LGI1: variants seen among roughly 807,000 people sequenced by gnomAD.
LGI1 encodes leucine rich glioma inactivated 1.
A neutral mutation model predicts 57.7 loss-of-function variants in LGI1; 11 were observed. That is an observed-to-expected ratio of 0.19 (90% CI 0.12 to 0.32). The LOEUF (loss-of-function observed/expected upper bound fraction) is 0.32, where lower values mean the gene tolerates loss of function less well. Ranked by LOEUF, LGI1 falls within the 10% of genes least tolerant of loss-of-function variation. The probability of loss-of-function intolerance (pLI) is 1.00; values close to 1 mark genes in which losing one functional copy is unlikely to be tolerated. For missense variants in LGI1, 422 were observed against 661.9 expected, an observed-to-expected ratio of 0.64 and a Z score of 3.98; for synonymous variants, 222 against 241.9, an observed-to-expected ratio of 0.92 and a Z score of 0.76.
intron 2 of LGI1, among the ~76,000 whole-genome samples, chr10:93,760,201 A>C (rs1025807297): frequency 6.6e-6 from 1 of 152,224 alleles, no homozygotes; most frequent in African/African-American, 2.4e-5. Flanking sequence ...GATGTCTTCA[A>C]ATGATTAGCA....
intron 4 of LGI1, among the ~76,000 whole-genome samples, chr10:93,785,178 G>A (rs187238242): frequency 1.1e-4 from 17 of 152,180 alleles, no homozygotes; most frequent in African/African-American, 3.1e-4. Flanking sequence ...ACTAAGAGAG[G>A]CAGAAAGAAT....
At chr10:93,779,973 T>C (rs939270361) in intron 4 of LGI1, among the ~76,000 whole-genome samples, 3 of 152,208 alleles carry the variant, frequency 2.0e-5, no homozygotes, top group Non-Finnish European at 4.4e-5. Context: ...TTAGGCTGTT[T>C]TTTATCTACA....
At position 93,797,931 on chromosome 10, in the gene LGI1, CA is replaced by C; in HGVS notation, c.*130del. On this transcript the variant is annotated 3_prime_UTR_variant, in exon 8 of 8. Transcript: ENST00000371418. This position sits in a 1 kb window ranked among gnomAD's most constrained non-coding sequence, Gnocchi z 6.5. ...TTTCAAACATTGAGACTGCTAGAAC[CA>C]AGCACTACCAGTATCTCCATCCTTA... The C allele has an allele frequency of 1.4e-6, 1 of 734,652 alleles. No homozygotes were observed. The highest frequency in any genetic ancestry group is 2.4e-6 in the Non-Finnish European group (1 of 410,710). The allele number at this position is 734,652 out of a possible 1,614,324, so 45.5% of individuals were successfully genotyped here. A position where few individuals can be genotyped will look rare whatever the true frequency, so the allele number is the denominator to read the frequency against.
At chr10:93,764,246 T>TA (rs567937887) in intron 2 of LGI1, 8 of 152,288 alleles carry the variant, frequency 5.3e-5, no homozygotes, top group African/African-American at 1.9e-4. Context: ...TAGTTTCATT[T>TA]AAAAAATTAT....
At chr10:93,778,066 A>G (rs1021481683) in intron 4 of LGI1, among the ~76,000 whole-genome samples, 1 of 152,138 alleles carries the variant, frequency 6.6e-6, no homozygotes, top group Non-Finnish European at 1.5e-5. Context: ...TACTCAATGG[A>G]TGATTACAGC....
At chr10:93,783,244 C>T (rs373664514) in intron 4 of LGI1, among the ~76,000 whole-genome samples, 38 of 152,164 alleles carry the variant, frequency 2.5e-4, no homozygotes, top group Middle Eastern at 3.4e-3. Context: ...GGCGTGGTGG[C>T]GGGCGCCTGT....
At chr10:93,793,511 C>T (rs1009414757) in intron 7 of LGI1, among the ~76,000 whole-genome samples, 161 bp downstream of exon 7, 2 of 152,186 alleles carry the variant, frequency 1.3e-5, no homozygotes, top group Non-Finnish European at 2.9e-5. Context: ...AATTTCCCCA[C>T]TTGTAAAACG....
chr10:93,777,678 C>G, intron 4 of LGI1, 61 bp downstream of exon 4: 1 of 1,356,592 alleles, frequency 7.4e-7, no homozygotes, highest in Non-Finnish European at 1.0e-6. Context: ...GTTTGATCAC[C>G]TGTGGTTAAT....
At chr10:93,777,189 G>A in intron 2 of LGI1, 190 bp from the exon 3 acceptor site, 1 of 644,566 alleles carries the variant, frequency 1.6e-6, no homozygotes, top group Non-Finnish European at 2.8e-6. Context: ...CCCTTGATGA[G>A]CCTTTGATGA....
intron 4 of LGI1, among the ~76,000 whole-genome samples, chr10:93,787,720 C>A (rs1190500112): frequency 6.6e-6 from 1 of 152,022 alleles, no homozygotes; most frequent in Non-Finnish European, 1.5e-5. Flanking sequence ...CCAGCCTGAG[C>A]AACATAGCAA....
At position 93,758,962 on chromosome 10, in the gene LGI1, G is replaced by T; in HGVS notation, c.287+131G>T. On this transcript the variant is annotated intron_variant, in intron 2 of 7. Coordinates refer to ENST00000371418, the MANE Select transcript of LGI1 (RefSeq NM_005097.4). This position sits in a 1 kb window ranked among gnomAD's most constrained non-coding sequence, Gnocchi z 4.7. ...TGAGAAAACAGAATATCCGTAAAGT[G>T]AGAGGTAGATGGGTTTGTTTGCGAC... The T allele has an allele frequency of 1.3e-6, 1 of 762,334 alleles. No individual in the cohort carries two copies. Among genetic ancestry groups the T allele is most frequent in the South Asian group, 1.6e-5 (1 of 64,248 alleles). The allele number at this position is 762,334 out of a possible 1,614,324, so 47.2% of individuals were successfully genotyped here. A position where few individuals can be genotyped will look rare whatever the true frequency, so the allele number is the denominator to read the frequency against.
intron 5 of LGI1, chr10:93,792,456 C>T (rs75424722): frequency 4.4e-5 from 15 of 343,714 alleles, no homozygotes; most frequent in East Asian, 3.0e-4. Flanking sequence ...ATTACAATTA[C>T]GGTTCATATA....
rs781205119 is a variant in LGI1 at position 93,793,353 on chromosome 10, A to G, written c.838+3A>G. On this transcript the variant is annotated splice_donor_region_variant and intron_variant, in intron 7 of 7. Transcript: ENST00000371418. The stretch of plus-strand genomic sequence containing the variant: ...CCGGAATTATGACAACATTACAGGT[A>G]TGAAAAGCCTAATGATATTTTGAGT... 1.9e-6 allele frequency: 3 copies of G among 1,613,046 alleles called. No individual in the cohort carries two copies. The Admixed American group carries it at 5.0e-5, about 27-fold the overall frequency.
intron 2 of LGI1, among the ~76,000 whole-genome samples, chr10:93,775,293 A>G (rs1011132235): frequency 2.6e-5 from 4 of 152,030 alleles, no homozygotes; most frequent in Non-Finnish European, 5.9e-5. Context: ...TAGTTTTTGT[A>G]CTTTATATAA....
chr10:93,765,779 G>C (rs568145713), intron 2 of LGI1: 1 of 152,202 alleles, frequency 6.6e-6, no homozygotes, highest in East Asian at 1.9e-4. Flanking sequence ...GAACATCCTG[G>C]CTAATACGGT....
chr10:93,771,256 C>T (rs1417749511), intron 2 of LGI1: 1 of 151,912 alleles, frequency 6.6e-6, no homozygotes, highest in Non-Finnish European at 1.5e-5. Context: ...AAAGTAAGTC[C>T]CAAATGTATT....
chr10:93,797,572 T>A lies in LGI1; in HGVS notation c.1443T>A (p.Pro481=), dbSNP rs1273453074. Residue 481 remains proline (P), a synonymous_variant, in exon 8 of 8, where the codon CCT becomes CCA. Transcript: ENST00000371418. This position sits in a 1 kb window ranked among gnomAD's most constrained non-coding sequence, Gnocchi z 6.5. The stretch of plus-strand genomic sequence containing the variant: ...CGCGAGGATCCATGGTGTTCCAGCC[T>A]CTTCAAATAAATAATTACCAATATG... ...MPSRGSMVFQ[P]LQINNYQYAI... is the part of the protein sequence containing the mutation. 6 of 1,614,008 alleles carry A rather than the reference T, an allele frequency of 3.7e-6. No homozygotes were observed. Among genetic ancestry groups the A allele is most frequent in the Non-Finnish European group, 4.2e-6 (5 of 1,179,976 alleles).
At chr10:93,785,232 A>G (rs1240835858) in intron 4 of LGI1, among the ~76,000 whole-genome samples, 1 of 152,230 alleles carries the variant, frequency 6.6e-6, no homozygotes, top group African/African-American at 2.4e-5. Context: ...AAGTGTTTAG[A>G]TATTTAATAT....
intron 4 of LGI1, chr10:93,788,329 T>C (rs2059907540): frequency 6.6e-6 from 1 of 152,268 alleles, no homozygotes; most frequent in South Asian, 2.1e-4. Context: ...TTCATTCATG[T>C]GGTCTGTTTC....
Sources: gnomAD v4.1 joint callset for allele counts (sites outside exome capture counted in the v4.1 genomes callset) on GRCh38, gnomAD v4.1.1 for gene constraint, Gnocchi (gnomAD v3.1) non-coding constraint, MANE v1.5 for transcripts, NCBI Gene and HGNC (gene_info 2026-07-23, HGNC 2026-07-21) for gene names.